ST6GAL1: variants seen among roughly 807,000 people sequenced by gnomAD.
The protein encoded by ST6GAL1 is beta-galactoside alpha-2,6-sialyltransferase 1.
In ST6GAL1, 20 loss-of-function variants were observed where a neutral mutation model predicts 38.0. That is an observed-to-expected ratio of 0.53 (90% CI 0.37 to 0.77). ST6GAL1 has a LOEUF of 0.77. ST6GAL1 is among the 30% of genes least tolerant of loss of function. ST6GAL1 has a pLI of 0.00. For missense variants in ST6GAL1, 432 were observed against 496.4 expected (o/e 0.87, Z 1.23); for synonymous variants, 196 against 188.2 (o/e 1.04, Z -0.34).
At chr3:186,987,200 G>GAGGAA (rs1553821932) in intron 2 of ST6GAL1, among the ~76,000 whole-genome samples, 1 of 138,658 alleles carries the variant, frequency 7.2e-6, no homozygotes, top group Non-Finnish European at 1.5e-5. Flanking sequence ...GGGAGGGAGG[G>GAGGAA]AAGGAAAGAA....
At chr3:186,999,840 CTT>C (rs1369547594) in intron 2 of ST6GAL1, among the ~76,000 whole-genome samples, 10 of 146,590 alleles carry the variant, frequency 6.8e-5, no homozygotes, top group Non-Finnish European at 1.5e-5. Flanking sequence ...TAAAGATACA[CTT>C]TTATTTATTT....
intron 2 of ST6GAL1, among the ~76,000 whole-genome samples, chr3:186,982,462 G>C (rs185683845): frequency 1.3e-5 from 2 of 152,274 alleles, no homozygotes; most frequent in Admixed American, 1.3e-4. Flanking sequence ...TCAACTATGG[G>C]GCAGTATGGC....
At chr3:187,001,141 A>T (rs963533907) in intron 2 of ST6GAL1, among the ~76,000 whole-genome samples, 5 of 152,210 alleles carry the variant, frequency 3.3e-5, no homozygotes, top group Non-Finnish European at 5.9e-5. Context: ...GTTTGGCCTC[A>T]ACTTCCCACA....
chr3:186,956,430 A>C (rs138294423), intron 1 of ST6GAL1, among the ~76,000 whole-genome samples: 85 of 152,106 alleles, frequency 5.6e-4, no homozygotes, highest in African/African-American at 2.0e-3. Flanking sequence ...GAACATGCTC[A>C]GTTTTAAGAC....
At chr3:187,010,558 C>A (rs776440253) in intron 2 of ST6GAL1, among the ~76,000 whole-genome samples, 1 of 64,498 alleles carries the variant, frequency 1.6e-5, no homozygotes, top group African/African-American at 4.3e-5. Flanking sequence ...TTTTTAGACT[C>A]TCCCTTTTCC....
intron 2 of ST6GAL1, among the ~76,000 whole-genome samples, chr3:187,012,202 C>T (rs1235265445): frequency 2.6e-5 from 4 of 152,176 alleles, no homozygotes; most frequent in East Asian, 3.8e-4. Context: ...ACTGTCTGCT[C>T]GCAGACCAAG....
chr3:187,066,187 T>C (rs1277179088), intron 5 of ST6GAL1, among the ~76,000 whole-genome samples: 1 of 152,198 alleles, frequency 6.6e-6, no homozygotes, highest in African/African-American at 2.4e-5. Flanking sequence ...AATATCATAA[T>C]TGGAGCTAAA....
At chr3:186,951,413 A>G (rs183021093) in intron 1 of ST6GAL1, among the ~76,000 whole-genome samples, 9 of 152,220 alleles carry the variant, frequency 5.9e-5, no homozygotes, top group South Asian at 2.1e-4. Flanking sequence ...ATGTCGCTTC[A>G]TTTTGTTGGT....
At chr3:187,074,959 A>G (rs559928878) in intron 7 of ST6GAL1, among the ~76,000 whole-genome samples, 1 of 152,206 alleles carries the variant, frequency 6.6e-6, no homozygotes, top group Non-Finnish European at 1.5e-5. Context: ...TGCAGAGTTT[A>G]TTGGAACAAT....
chr3:187,000,212 G>A lies in ST6GAL1; in HGVS notation c.-183+36286G>A, dbSNP rs77675041. On this transcript the variant is annotated intron_variant, in intron 2 of 7. Transcript: ENST00000169298. ...GGTCACTTGTAATCATAGTCTGTTT[G>A]CAAAGCAAGCTTTTAATAGAATTAC... Among the ~76,000 whole-genome samples, 913 of 152,212 alleles carry A rather than the reference G, an allele frequency of 6.0e-3. 10 individuals carry two copies. Among genetic ancestry groups the A allele is most frequent in the African/African-American group, 0.021 (866 of 41,522 alleles).
intron 1 of ST6GAL1, among the ~76,000 whole-genome samples, chr3:186,933,627 C>A (rs546780262): frequency 6.6e-6 from 1 of 152,214 alleles, no homozygotes. Flanking sequence ...CTTCAGAAAT[C>A]ATGTGACTGG....
At chr3:186,933,290 T>C (rs753101064) in intron 1 of ST6GAL1, among the ~76,000 whole-genome samples, 31 of 152,162 alleles carry the variant, frequency 2.0e-4, no homozygotes, top group Non-Finnish European at 3.1e-4. Flanking sequence ...CCCAGCCACA[T>C]TGGGGAACTT....
At chr3:186,957,119 A>G (rs1036161397) in intron 1 of ST6GAL1, among the ~76,000 whole-genome samples, 2 of 152,186 alleles carry the variant, frequency 1.3e-5, no homozygotes, top group African/African-American at 2.4e-5. Flanking sequence ...ATTGAAGAAA[A>G]CTTACAGAAC....
At chr3:186,938,625 C>A (rs1488718403) in intron 1 of ST6GAL1, among the ~76,000 whole-genome samples, 4 of 152,070 alleles carry the variant, frequency 2.6e-5, no homozygotes, top group Non-Finnish European at 4.4e-5. Flanking sequence ...AAAATGGAAA[C>A]CCCCACCAAG....
At chr3:186,937,723 A>G (rs78418958) in intron 1 of ST6GAL1, among the ~76,000 whole-genome samples, 28,289 of 152,076 alleles carry the variant, frequency 0.19, 2,981 homozygotes, top group East Asian at 0.33. Context: ...ATGAGGCCAC[A>G]CTGGACAGCC....
chr3:186,969,313 A>G (rs181939101), intron 2 of ST6GAL1, among the ~76,000 whole-genome samples: 50 of 152,198 alleles, frequency 3.3e-4, no homozygotes, highest in Non-Finnish European at 1.5e-5. Context: ...TCAGCCCCAC[A>G]AAGTGCTGGG....
intron 5 of ST6GAL1, among the ~76,000 whole-genome samples, chr3:187,064,136 A>C (rs1216925201): frequency 1.3e-5 from 2 of 152,176 alleles, no homozygotes; most frequent in East Asian, 3.9e-4. Context: ...CTTCTGTTAA[A>C]GGATAATTTT....
Position 187,029,016 on chromosome 3 carries a change from G to A in ST6GAL1, c.-182-9726G>A, listed in dbSNP as rs928623777. On this transcript the variant is annotated intron_variant, in intron 2 of 7. Coordinates refer to ENST00000169298, the MANE Select transcript of ST6GAL1 (RefSeq NM_173216.2). ...CAGGAGAATCGCTTGAACCTGGGAG[G>A]TGGAGGTTGCGGTGAACAGAGATTG... Among the ~76,000 whole-genome samples the A allele has an allele frequency of 4.0e-5, 6 of 150,986 alleles. No homozygotes were observed. In the South Asian group the frequency reaches 1.3e-3, roughly 32 times the overall value.
intron 2 of ST6GAL1, chr3:186,986,571 A>G (rs566635845): frequency 6.6e-6 from 1 of 152,040 alleles, no homozygotes; most frequent in Non-Finnish European, 1.5e-5. Flanking sequence ...TTAGCGCCAT[A>G]TTCTTCAGCA....
Sources: gnomAD v4.1 joint callset for allele counts (sites outside exome capture counted in the v4.1 genomes callset) on GRCh38, gnomAD v4.1.1 for gene constraint, MANE v1.5 for transcripts, NCBI Gene and HGNC (gene_info 2026-07-23, HGNC 2026-07-21) for gene names.